PTPRO: variants seen among roughly 807,000 people sequenced by gnomAD.
PTPRO encodes protein tyrosine phosphatase receptor type O.
In PTPRO, 62 loss-of-function variants were observed where a neutral mutation model predicts 145.2. That is an observed-to-expected ratio of 0.43 (90% confidence interval 0.35 to 0.53). The LOEUF is 0.53. Ranked by LOEUF, PTPRO falls within the 20% of genes least tolerant of loss-of-function variation. The pLI is 0.01. For missense variants in PTPRO, 1,345 were observed against 1,482.7 expected, an observed-to-expected ratio of 0.91 and a Z score of 1.53; for synonymous variants, 565 against 514.7, an observed-to-expected ratio of 1.10 and a Z score of -1.32.
intron 1 of PTPRO, among the ~76,000 whole-genome samples, chr12:15,369,620 C>T (rs892101850): frequency 1.3e-5 from 2 of 152,166 alleles, no homozygotes. Context: ...ATGTCTCTTT[C>T]CTCATATGCT....
At chr12:15,435,547 T>C (rs1940571060) in intron 1 of PTPRO, among the ~76,000 whole-genome samples, 2 of 150,770 alleles carry the variant, frequency 1.3e-5, no homozygotes, top group Admixed American at 6.6e-5. Flanking sequence ...GTAAATAAAT[T>C]AGCAAAGCAC....
intron 7 of PTPRO, among the ~76,000 whole-genome samples, chr12:15,515,045 G>T (rs919935738): frequency 4.6e-5 from 7 of 151,840 alleles, no homozygotes; most frequent in African/African-American, 1.5e-4. Flanking sequence ...GATTACACGC[G>T]TGAGCCACTG....
At chr12:15,436,800 C>T (rs1023043940) in intron 1 of PTPRO, among the ~76,000 whole-genome samples, 4 of 152,186 alleles carry the variant, frequency 2.6e-5, no homozygotes, top group Non-Finnish European at 5.9e-5. Flanking sequence ...GGGTGGGGGC[C>T]TCCACAGCCA....
intron 1 of PTPRO, among the ~76,000 whole-genome samples, chr12:15,473,416 C>A (rs895667417): frequency 6.6e-6 from 1 of 152,074 alleles, no homozygotes; most frequent in Non-Finnish European, 1.5e-5. Flanking sequence ...ATCCGGTGAA[C>A]GTAATTACCG....
At chr12:15,361,381 G>A (rs1938202962) in intron 1 of PTPRO, among the ~76,000 whole-genome samples, 1 of 147,434 alleles carries the variant, frequency 6.8e-6, no homozygotes, top group Non-Finnish European at 1.5e-5. Flanking sequence ...GAAGGTTGCA[G>A]TGAGCCGAGA....
rs558879697 is a variant in PTPRO at position 15,404,454 on chromosome 12, T to C, written c.76-79520T>C. Among the ~76,000 whole-genome samples, 45 of 152,338 alleles carry C rather than the reference T, an allele frequency of 3.0e-4. No homozygotes were observed. In the South Asian group the frequency reaches 8.7e-3, roughly 29 times the overall value. ...ATACTGTACTTTGCCTAGTTTTCTG[T>C]TGGGAATTTTTTTATTTATTTGTGT... On this transcript the variant is annotated intron_variant, in intron 1 of 26. Coordinates refer to ENST00000281171, the MANE Select transcript of PTPRO (RefSeq NM_030667.3).
intron 1 of PTPRO, among the ~76,000 whole-genome samples, chr12:15,388,242 G>A (rs2136283088): frequency 6.6e-6 from 1 of 151,918 alleles, no homozygotes; most frequent in African/African-American, 2.4e-5. Context: ...ACCCTAGAAA[G>A]TTTTAAATTT....
At chr12:15,549,003 G>A (rs901609181) in intron 13 of PTPRO, 91 bp from the exon 14 acceptor site, 24 of 1,375,872 alleles carry the variant, frequency 1.7e-5, no homozygotes, top group Non-Finnish European at 3.1e-6. Flanking sequence ...TTTTTACTCT[G>A]TCAATCTATT....
intron 1 of PTPRO, among the ~76,000 whole-genome samples, chr12:15,419,983 T>TA (rs1376070233): frequency 6.6e-6 from 1 of 151,002 alleles, no homozygotes; most frequent in African/African-American, 2.5e-5. Flanking sequence ...CCGTCTCTAC[T>TA]AAAAATACAA....
chr12:15,343,561 A>C (rs1408801059), intron 1 of PTPRO, among the ~76,000 whole-genome samples: 1 of 152,054 alleles, frequency 6.6e-6, no homozygotes, highest in Non-Finnish European at 1.5e-5. Flanking sequence ...GGTGGCTCGC[A>C]CCTGTAGTTC....
At chr12:15,448,298 A>T (rs1055215061) in intron 1 of PTPRO, among the ~76,000 whole-genome samples, 1 of 124,718 alleles carries the variant, frequency 8.0e-6, no homozygotes, top group East Asian at 2.6e-4. Context: ...ACCTGGCATT[A>T]TATATTTGCC....
At position 15,509,243 on chromosome 12, in the gene PTPRO, G is replaced by A. The variant is rs191625140; in HGVS notation, c.1464+476G>A. Reference sequence around the variant, plus strand: ...GAAGGGGAAAGAGGATTTGGAAACTGGTTGGAAAAAACATCACAGAGCAGG... The same window carrying A: ...GAAGGGGAAAGAGGATTTGGAAACTAGTTGGAAAAAACATCACAGAGCAGG... On this transcript the variant is annotated intron_variant, in intron 7 of 26. Transcript: ENST00000281171. Among the ~76,000 whole-genome samples, 139 of 152,154 alleles carry A rather than the reference G, an allele frequency of 9.1e-4. 1 individual carries two copies. The highest frequency in any genetic ancestry group is 3.3e-3 in the African/African-American group (135 of 41,528).
In PTPRO at chr12:15,509,186, G is replaced by A. The variant is rs113100196; in HGVS notation, c.1464+419G>A. Among the ~76,000 whole-genome samples the A allele has an allele frequency of 1.6e-3, 249 of 152,248 alleles. 1 individual carries two copies. The highest frequency in any genetic ancestry group is 5.1e-3 in the African/African-American group (212 of 41,560). ...ATGATGAGAGTCCAGAGGAGTTCACGGAAGAAGGAGCTGAGCGTGAGTAAC... is the reference window on the plus strand; with the variant it reads ...ATGATGAGAGTCCAGAGGAGTTCACAGAAGAAGGAGCTGAGCGTGAGTAAC... On this transcript the variant is annotated intron_variant, in intron 7 of 26. Transcript: ENST00000281171.
intron 12 of PTPRO, among the ~76,000 whole-genome samples, chr12:15,531,114 G>GA (rs1942954104): frequency 6.6e-6 from 1 of 152,050 alleles, no homozygotes; most frequent in Non-Finnish European, 1.5e-5. Context: ...TGGAAAACTA[G>GA]AAGAAATGGA....
chr12:15,499,631 A>T, intron 4 of PTPRO, 37 bp downstream of exon 4: 1 of 1,591,116 alleles, frequency 6.3e-7, no homozygotes, highest in Non-Finnish European at 8.6e-7. Context: ...GTGAAAAAAT[A>T]ATTCAGTTAT....
intron 1 of PTPRO, among the ~76,000 whole-genome samples, chr12:15,414,279 G>A (rs1204435089): frequency 6.6e-6 from 1 of 152,090 alleles, no homozygotes; most frequent in Non-Finnish European, 1.5e-5. Context: ...TGCAGATTTC[G>A]ATTTATGTAT....
chr12:15,440,475 T>A, intron 1 of PTPRO: 1 of 198,802 alleles, frequency 5.0e-6, no homozygotes, highest in South Asian at 1.0e-4. Context: ...GTCTGCTGTG[T>A]TCATGAAACC....
intron 1 of PTPRO, among the ~76,000 whole-genome samples, chr12:15,435,967 G>A (rs114877693): frequency 0.029 from 4,420 of 152,178 alleles, 230 homozygotes; most frequent in African/African-American, 0.1. Flanking sequence ...CCCACCACTC[G>A]ATCTACCGTG....
At chr12:15,391,661 C>T (rs577107937) in intron 1 of PTPRO, among the ~76,000 whole-genome samples, 4 of 152,266 alleles carry the variant, frequency 2.6e-5, no homozygotes, top group East Asian at 3.9e-4. Context: ...CCTTGGCTAC[C>T]GCAATGGCAT....
Sources: allele counts gnomAD v4.1 joint callset (sites outside exome capture counted in the v4.1 genomes callset), GRCh38; gene constraint gnomAD v4.1.1; transcripts MANE v1.5; gene names NCBI Gene and HGNC (gene_info 2026-07-23, HGNC 2026-07-21).